The following PUM2 variants were observed in gnomAD, a reference collection of about 807,000 sequenced individuals.
PUM2 encodes pumilio homolog 2.
In PUM2, 57 loss-of-function variants were observed where a neutral mutation model predicts 124.5. That is an observed-to-expected ratio of 0.46 (90% CI 0.37 to 0.57). PUM2 has a LOEUF of 0.57. Among genes scored for constraint, PUM2 ranks in the 20% least tolerant of loss-of-function variants. The pLI is 0.00. For missense variants in PUM2, 1,065 were observed against 1,290.6 expected, an observed-to-expected ratio of 0.83 and a Z score of 2.68; for synonymous variants, 460 against 446.1, an observed-to-expected ratio of 1.03 and a Z score of -0.39.
intron 9 of PUM2, among the ~76,000 whole-genome samples, chr2:20,293,452 T>C (rs1674721729): frequency 1.3e-5 from 2 of 152,242 alleles, no homozygotes; most frequent in Admixed American, 6.5e-5. Context: ...CTCACGCCTA[T>C]AATTCCGGCA....
intron 1 of PUM2, among the ~76,000 whole-genome samples, chr2:20,333,342 C>T (rs948919029): frequency 6.6e-5 from 10 of 151,752 alleles, no homozygotes; most frequent in African/African-American, 1.2e-4. Flanking sequence ...CAAGACCATC[C>T]TTGGCAACAT....
chr2:20,350,506 C>T, intron 1 of PUM2, 91 bp downstream of exon 1: 1 of 985,628 alleles, frequency 1.0e-6, no homozygotes, highest in Non-Finnish European at 1.2e-6. Flanking sequence ...CGCTGGCGAT[C>T]GGCTCCCGCC....
chr2:20,274,240 A>T (rs1362048517), intron 13 of PUM2, among the ~76,000 whole-genome samples: 2 of 152,208 alleles, frequency 1.3e-5, no homozygotes, highest in African/African-American at 4.8e-5. Context: ...AATGCTATTC[A>T]GTTACAGAGA....
intron 1 of PUM2, among the ~76,000 whole-genome samples, chr2:20,337,295 TAGCAAG>T (rs1372236189): frequency 2.6e-5 from 4 of 152,160 alleles, no homozygotes; most frequent in Non-Finnish European, 5.9e-5. Flanking sequence ...GTTATGATAC[TAGCAAG>T]AGGATTGGGT....
Position 20,307,965 on chromosome 2 carries a change from T to C in PUM2, c.883+13A>G. On this transcript the variant is annotated intron_variant, in intron 7 of 20. Coordinates refer to ENST00000361078, the MANE Select transcript of PUM2 (RefSeq NM_015317.5). ...CAAGACTTTGGTCAAAATGAGAACGTATGAAGACTCACCTATATGTGGCTG... is the reference window on the plus strand; with the variant it reads ...CAAGACTTTGGTCAAAATGAGAACGCATGAAGACTCACCTATATGTGGCTG... 1.2e-6 allele frequency: 2 copies of C among 1,609,912 alleles called. No individual in the cohort carries two copies. Among genetic ancestry groups the C allele is most frequent in the Middle Eastern group, 1.7e-4 (1 of 6,048 alleles).
At position 20,318,544 on chromosome 2, in the gene PUM2, T is replaced by C. The variant is rs1473496141; in HGVS notation, c.153A>G (p.Gly51=). ...CATATACCAGTAACTTACGAGAAGC[T>C]CCCCATGCAGTCTCTCTCCATTCAT... ...GDDEWRETAW[G]ASHHSMSQPI... The change falls in exon 3 of 21, where the codon GGA becomes GGG. Residue 51 remains glycine (G), a synonymous_variant. Coordinates refer to ENST00000361078, the MANE Select transcript of PUM2 (RefSeq NM_015317.5). 1 of 1,608,436 alleles carries C rather than the reference T, an allele frequency of 6.2e-7. No homozygotes were observed. The highest frequency in any genetic ancestry group is 1.3e-5 in the African/African-American group (1 of 74,924).
In PUM2 at chr2:20,268,594, G is replaced by A. The variant is rs563797008; in HGVS notation, c.1958-5134C>T. ...GACTGCACCACTGCACTCTAGCTTG[G>A]GCAATAGAGCAAGACCCTGTCTAAA... On this transcript the variant is annotated intron_variant, in intron 13 of 20. Transcript: ENST00000361078. Among the ~76,000 whole-genome samples, 6 of 151,932 alleles carry A rather than the reference G, an allele frequency of 3.9e-5. No homozygotes were observed. The South Asian group carries it at 1.2e-3, about 32-fold the overall frequency.
chr2:20,283,435 A>G lies in PUM2; in HGVS notation c.1343T>C (p.Val448Ala). 6.2e-7 allele frequency: 1 copy of G among 1,614,004 alleles called. No individual in the cohort carries two copies. Among genetic ancestry groups the G allele is most frequent in the Non-Finnish European group, 8.5e-7 (1 of 1,179,930 alleles). The change falls in exon 11 of 21, where the codon GTG (valine) becomes GCG (alanine). Residue 448 changes from valine (V) to alanine (A), a missense_variant. Physicochemically the swap from Val to Ala is moderately conservative, Grantham distance 64. Transcript: ENST00000361078. ...TAYYDQTGAL[V>A]VGPGARTGLG... Reference sequence around the variant, plus strand: ...GCCAGTCCTTGCTCCAGGGCCAACCACTAAGGCACCAGTCTGATCATAATA... The same window carrying G: ...GCCAGTCCTTGCTCCAGGGCCAACCGCTAAGGCACCAGTCTGATCATAATA...
chr2:20,253,736 C>A, intron 20 of PUM2, 86 bp downstream of exon 20: 1 of 1,225,830 alleles, frequency 8.2e-7, no homozygotes, highest in East Asian at 2.5e-5. Context: ...TTATAACATA[C>A]GGGAGGAAAT....
At chr2:20,252,139 T>A (rs904057770) in intron 20 of PUM2, among the ~76,000 whole-genome samples, 2 of 152,224 alleles carry the variant, frequency 1.3e-5, no homozygotes, top group Non-Finnish European at 2.9e-5. Flanking sequence ...AAAATAAGAT[T>A]GCAATTTTTT....
At chr2:20,293,959 T>A (rs1674868144) in intron 9 of PUM2, among the ~76,000 whole-genome samples, 1 of 152,142 alleles carries the variant, frequency 6.6e-6, no homozygotes, top group Non-Finnish European at 1.5e-5. Context: ...AAATATTTTA[T>A]CATTTCTTGC....
At chr2:20,308,175 T>A in intron 6 of PUM2, 104 bp from the exon 7 acceptor site, 1 of 1,483,404 alleles carries the variant, frequency 6.7e-7, no homozygotes, top group East Asian at 2.4e-5. Flanking sequence ...GGGAGGACTT[T>A]CTCAAATACA....
intron 1 of PUM2, among the ~76,000 whole-genome samples, chr2:20,347,843 C>CT (rs1688540609): frequency 6.6e-6 from 1 of 152,188 alleles, no homozygotes; most frequent in South Asian, 2.1e-4. Flanking sequence ...AATGGGGAGT[C>CT]TAACTTTGGT....
chr2:20,323,760 T>C (rs1281992322), intron 2 of PUM2, among the ~76,000 whole-genome samples: 5 of 151,974 alleles, frequency 3.3e-5, no homozygotes, highest in African/African-American at 2.4e-5. Flanking sequence ...AGCTGGTAAA[T>C]GTTAACAAGG....
At chr2:20,294,268 C>T (rs1050682152) in intron 9 of PUM2, 108 bp downstream of exon 9, 7 of 1,222,664 alleles carry the variant, frequency 5.7e-6, no homozygotes, top group East Asian at 2.4e-5. Flanking sequence ...TGCCAGGAGT[C>T]GTGTTACACA....
Position 20,318,572 on chromosome 2 carries a change from T to C in PUM2, c.125A>G (p.Asp42Gly). 6.2e-7 allele frequency: 1 copy of C among 1,613,626 alleles called. No individual in the cohort carries two copies. The highest frequency in any genetic ancestry group is 8.5e-7 in the Non-Finnish European group (1 of 1,179,774). Residue 42 changes from aspartate (D) to glycine (G), a missense_variant, in exon 3 of 21, where the codon GAT (aspartate) becomes GGT (glycine). By Grantham distance (94) the Asp-to-Gly change is moderately conservative. Transcript: ENST00000361078. ...CCATGCAGTCTCTCTCCATTCATCA[T>C]CCCCAAGAAATATGCCTTTTTGTCC... is the stretch of plus-strand genomic sequence containing the variant. The part of the protein sequence containing the change: ...KDGQKGIFLG[D>G]DEWRETAWGA...
chr2:20,323,326 C>T (rs1027083256), intron 2 of PUM2, among the ~76,000 whole-genome samples: 2 of 151,522 alleles, frequency 1.3e-5, no homozygotes, highest in Non-Finnish European at 2.9e-5. Context: ...CACACGCCTG[C>T]GGTCCCAGCT....
At chr2:20,260,527 C>T in intron 14 of PUM2, 61 bp from the exon 15 acceptor site, 4 of 1,420,358 alleles carry the variant, frequency 2.8e-6, no homozygotes, top group Admixed American at 1.8e-5. Flanking sequence ...GTATTACACC[C>T]TACCCTTCCA....
At chr2:20,300,908 T>A (rs1340580508) in intron 7 of PUM2, among the ~76,000 whole-genome samples, 1 of 152,042 alleles carries the variant, frequency 6.6e-6, no homozygotes, top group Non-Finnish European at 1.5e-5. Context: ...AAAAAGCGTA[T>A]CTGATTTCTT....
Sources: allele counts gnomAD v4.1 joint callset (sites outside exome capture counted in the v4.1 genomes callset), GRCh38; gene constraint gnomAD v4.1.1; transcripts MANE v1.5; gene names NCBI Gene and HGNC (gene_info 2026-07-23, HGNC 2026-07-21).